VWC2L: variants seen among roughly 807,000 people sequenced by gnomAD.
VWC2L encodes the protein von Willebrand factor C domain containing 2 like.
In VWC2L, 10 loss-of-function variants were observed where a neutral mutation model predicts 21.6. The ratio of observed to expected loss-of-function variants is 0.46; its 90% CI spans 0.29 to 0.78. VWC2L has a LOEUF of 0.78. Ranked by LOEUF, VWC2L falls within the 30% of genes least tolerant of loss-of-function variation. The pLI, the probability that VWC2L is intolerant of heterozygous loss-of-function variation, is 0.10. For missense variants in VWC2L, 209 were observed against 277.1 expected, an observed-to-expected ratio of 0.75 and a Z score of 1.74; for synonymous variants, 96 against 94.3, an observed-to-expected ratio of 1.02 and a Z score of -0.10.
intron 3 of VWC2L, among the ~76,000 whole-genome samples, chr2:214,472,904 T>C (rs1703330619): frequency 6.6e-6 from 1 of 152,242 alleles, no homozygotes; most frequent in Admixed American, 6.5e-5. Flanking sequence ...ATTAGGCATC[T>C]ACTTGGGTTC....
At chr2:214,537,580 T>C (rs1689555749) in intron 3 of VWC2L, among the ~76,000 whole-genome samples, 1 of 151,894 alleles carries the variant, frequency 6.6e-6, no homozygotes, top group South Asian at 2.1e-4. Flanking sequence ...TGAGGAGATG[T>C]TGGCCAAAGG....
chr2:214,500,282 AAACATTTT>A (rs1688873792), intron 3 of VWC2L, among the ~76,000 whole-genome samples: 1 of 152,198 alleles, frequency 6.6e-6, no homozygotes, highest in Admixed American at 6.5e-5. Context: ...CTAGTAATGG[AAACATTTT>A]AAAAAATAGG....
At chr2:214,448,968 C>T (rs2126183758) in intron 3 of VWC2L, among the ~76,000 whole-genome samples, 1 of 152,240 alleles carries the variant, frequency 6.6e-6, no homozygotes, top group South Asian at 2.1e-4. Context: ...ATGTCTTCTC[C>T]TCTATGGGCC....
chr2:214,449,700 T>C (rs1702925122), intron 3 of VWC2L, among the ~76,000 whole-genome samples: 1 of 152,160 alleles, frequency 6.6e-6, no homozygotes, highest in Non-Finnish European at 1.5e-5. Context: ...AAACCTCTTT[T>C]GAAATATATT....
At chr2:214,418,972 G>A (rs1449648801) in intron 2 of VWC2L, among the ~76,000 whole-genome samples, 1 of 152,110 alleles carries the variant, frequency 6.6e-6, no homozygotes, top group Non-Finnish European at 1.5e-5. Flanking sequence ...TAGCTGTACT[G>A]TCTCACCCTA....
intron 3 of VWC2L, among the ~76,000 whole-genome samples, chr2:214,546,024 A>C (rs144885361): frequency 5.9e-5 from 9 of 152,290 alleles, no homozygotes; most frequent in African/African-American, 2.2e-4. Flanking sequence ...CCAGCCCTGC[A>C]TGCTAACTTT....
intron 3 of VWC2L, among the ~76,000 whole-genome samples, chr2:214,556,413 T>G (rs534100458): frequency 1.7e-4 from 26 of 152,192 alleles, no homozygotes; most frequent in Non-Finnish European, 2.1e-4. Context: ...AAAATTGTCT[T>G]AACTTGAGGG....
chr2:214,550,948 C>T (rs1465468210), intron 3 of VWC2L, among the ~76,000 whole-genome samples: 2 of 152,148 alleles, frequency 1.3e-5, no homozygotes, highest in Non-Finnish European at 1.5e-5. Flanking sequence ...CTCTCTTCAG[C>T]ACTCCATCTT....
chr2:214,429,948 C>T (rs1399400820), intron 2 of VWC2L, among the ~76,000 whole-genome samples: 4 of 152,002 alleles, frequency 2.6e-5, no homozygotes, highest in African/African-American at 7.2e-5. Flanking sequence ...CTCAGCCTTC[C>T]GAGTAGCTGG....
chr2:214,444,461 C>A (rs768087900), intron 3 of VWC2L, among the ~76,000 whole-genome samples: 15 of 151,840 alleles, frequency 9.9e-5, no homozygotes, highest in Non-Finnish European at 1.9e-4. Context: ...AACCAGGTTT[C>A]TAAATGTAAA....
intron 3 of VWC2L, among the ~76,000 whole-genome samples, chr2:214,468,106 T>A (rs974904918): frequency 6.6e-6 from 1 of 152,102 alleles, no homozygotes; most frequent in South Asian, 2.1e-4. Context: ...AACCTCTGCA[T>A]CCCAGGTTCA....
chr2:214,566,435 C>T (rs1574640652), intron 3 of VWC2L, among the ~76,000 whole-genome samples: 1 of 152,224 alleles, frequency 6.6e-6, no homozygotes, highest in East Asian at 1.9e-4. Context: ...TACTTAAGGG[C>T]CAGAAAACTC....
At chr2:214,417,013 A>G (rs1702366946) in intron 2 of VWC2L, among the ~76,000 whole-genome samples, 1 of 152,136 alleles carries the variant, frequency 6.6e-6, no homozygotes, top group Non-Finnish European at 1.5e-5. Flanking sequence ...GAATTCTCAT[A>G]CCTTTTTAAA....
chr2:214,421,688 C>T (rs910981483), intron 2 of VWC2L, among the ~76,000 whole-genome samples: 5 of 151,868 alleles, frequency 3.3e-5, no homozygotes, highest in Non-Finnish European at 7.4e-5. Context: ...TCCTTACTGA[C>T]TCACCCACAT....
At chr2:214,561,279 C>T (rs1261305735) in intron 3 of VWC2L, among the ~76,000 whole-genome samples, 1 of 152,070 alleles carries the variant, frequency 6.6e-6, no homozygotes, top group Non-Finnish European at 1.5e-5. Flanking sequence ...TAAAGAGATG[C>T]CCTTGTTCAT....
At chr2:214,490,448 C>T (rs1363706534) in intron 3 of VWC2L, among the ~76,000 whole-genome samples, 1 of 151,874 alleles carries the variant, frequency 6.6e-6, no homozygotes, top group Non-Finnish European at 1.5e-5. Context: ...CTTAGCTGCT[C>T]AAAGTCACAT....
intron 3 of VWC2L, among the ~76,000 whole-genome samples, chr2:214,488,336 A>T (rs998562092): frequency 6.6e-6 from 1 of 152,172 alleles, no homozygotes; most frequent in African/African-American, 2.4e-5. Flanking sequence ...GGTGGTTCAC[A>T]CCTGTAATCC....
chr2:214,493,610 G>A (rs1688774020), intron 3 of VWC2L, among the ~76,000 whole-genome samples: 1 of 152,118 alleles, frequency 6.6e-6, no homozygotes, highest in African/African-American at 2.4e-5. Context: ...ACTGAAAGAG[G>A]AAATGTCTTT....
intron 3 of VWC2L, among the ~76,000 whole-genome samples, chr2:214,467,820 G>A (rs1703242013): frequency 6.6e-6 from 1 of 152,022 alleles, no homozygotes; most frequent in East Asian, 1.9e-4. Context: ...AGCCATATTA[G>A]ATAATTTACA....
Sources: allele counts gnomAD v4.1 joint callset (sites outside exome capture counted in the v4.1 genomes callset), GRCh38; gene constraint gnomAD v4.1.1; transcripts MANE v1.5; gene names NCBI Gene and HGNC (gene_info 2026-07-23, HGNC 2026-07-21).